Variants in TASP1 observed in about 807,000 individuals in gnomAD.
TASP1 encodes the protein taspase 1, also known as threonine aspartase 1.
A neutral mutation model predicts 56.6 loss-of-function variants in TASP1; 16 were observed. The ratio of observed to expected loss-of-function variants is 0.28; its 90% CI spans 0.19 to 0.43. The LOEUF is 0.43. Ranked by LOEUF, TASP1 falls within the 20% of genes least tolerant of loss-of-function variation. The probability of loss-of-function intolerance (pLI) is 1.00; values close to 1 mark genes in which losing one functional copy is unlikely to be tolerated. For missense variants in TASP1, 393 were observed against 511.6 expected (o/e 0.77, Z 2.24); for synonymous variants, 179 against 184.2 (o/e 0.97, Z 0.23).
the TASP1 span, among the ~76,000 whole-genome samples, chr20:13,335,632 T>C: frequency 6.6e-6 from 1 of 152,004 alleles, no homozygotes; most frequent in Non-Finnish European, 1.5e-5. Context: ...ATAGTATTCA[T>C]GTTCTCAGAT....
rs915729748 is a variant in TASP1 at position 13,581,057 on chromosome 20, T to A, written c.404-76A>T. On this transcript the variant is annotated intron_variant, in intron 5 of 13. Coordinates refer to ENST00000337743, the MANE Select transcript of TASP1 (RefSeq NM_017714.3). ...AGTTTCCCACTCAGTTTTGCAGTTG[T>A]TTCAATAAAACAACTTGAATATATC... is the stretch of plus-strand genomic sequence containing the variant. The A allele has an allele frequency of 4.3e-6, 6 of 1,399,760 alleles. No homozygotes were observed. In the East Asian group the frequency reaches 1.4e-4, roughly 32 times the overall value. The allele number at this position is 1,399,760 out of a possible 1,614,324, so 86.7% of individuals were successfully genotyped here.
the TASP1 span, among the ~76,000 whole-genome samples, chr20:13,106,600 G>A: frequency 6.6e-5 from 10 of 152,154 alleles, no homozygotes; most frequent in African/African-American, 2.4e-4. Context: ...GGCTATATCA[G>A]GAAGGGCCAT....
chr20:13,367,869 A>C, the TASP1 span, among the ~76,000 whole-genome samples: 1 of 152,072 alleles, frequency 6.6e-6, no homozygotes, highest in Non-Finnish European at 1.5e-5. Context: ...AAAATGAAAA[A>C]CTTAAAAACA....
the TASP1 span, among the ~76,000 whole-genome samples, chr20:13,330,527 A>G: frequency 6.6e-6 from 1 of 152,212 alleles, no homozygotes; most frequent in East Asian, 1.9e-4. Context: ...TACTGGCCCC[A>G]TAAAAAATTG....
intron 8 of TASP1, among the ~76,000 whole-genome samples, chr20:13,541,648 C>T (rs907557622): frequency 1.3e-5 from 2 of 152,050 alleles, no homozygotes; most frequent in Non-Finnish European, 2.9e-5. Flanking sequence ...AAGGCAGGAA[C>T]CTTTGCATGT....
the TASP1 span, among the ~76,000 whole-genome samples, chr20:13,179,296 G>A: frequency 3.9e-5 from 6 of 151,986 alleles, no homozygotes; most frequent in African/African-American, 1.5e-4. Flanking sequence ...TTGACATTGA[G>A]AGTATAAATT....
At chr20:13,551,911 GC>G (rs1367417289) in intron 8 of TASP1, among the ~76,000 whole-genome samples, 1 of 151,990 alleles carries the variant, frequency 6.6e-6, no homozygotes, top group Non-Finnish European at 1.5e-5. Context: ...ACAATGAGAG[GC>G]CATGGCAATT....
chr20:13,414,570 T>C (rs2042191913), intron 13 of TASP1, among the ~76,000 whole-genome samples: 1 of 152,188 alleles, frequency 6.6e-6, no homozygotes, highest in Non-Finnish European at 1.5e-5. Context: ...TAATTTCATG[T>C]ATTATAGCTG....
At chr20:13,575,646 G>C (rs1444835780) in intron 6 of TASP1, among the ~76,000 whole-genome samples, 1 of 152,060 alleles carries the variant, frequency 6.6e-6, no homozygotes, top group African/African-American at 2.4e-5. Flanking sequence ...TAAAAATGAG[G>C]TAATACATTA....
At chr20:13,173,349 C>T in the TASP1 span, among the ~76,000 whole-genome samples, 5 of 152,292 alleles carry the variant, frequency 3.3e-5, no homozygotes, top group African/African-American at 1.2e-4. Flanking sequence ...ATCCATTCTC[C>T]AGCTACAGAA....
chr20:13,359,349 C>G, the TASP1 span, among the ~76,000 whole-genome samples: 3 of 151,550 alleles, frequency 2.0e-5, no homozygotes, highest in African/African-American at 7.3e-5. Context: ...TTCAACTCAC[C>G]TGGCAGCCAC....
chr20:13,234,058 A>G, the TASP1 span, among the ~76,000 whole-genome samples: 1 of 152,022 alleles, frequency 6.6e-6, no homozygotes, highest in South Asian at 2.1e-4. Flanking sequence ...CTTTTAGTGT[A>G]CTCATCACCT....
chr20:13,135,183 A>G, the TASP1 span, among the ~76,000 whole-genome samples: 1 of 152,196 alleles, frequency 6.6e-6, no homozygotes, highest in Admixed American at 6.5e-5. Flanking sequence ...AATTATTTAA[A>G]TTGTCTCTTC....
At chr20:13,357,468 GAC>G in the TASP1 span, among the ~76,000 whole-genome samples, 1 of 152,156 alleles carries the variant, frequency 6.6e-6, no homozygotes, top group Non-Finnish European at 1.5e-5. Flanking sequence ...GAAGAGAAAA[GAC>G]AACAAATACA....
chr20:13,207,690 A>G, the TASP1 span, among the ~76,000 whole-genome samples: 3,501 of 152,288 alleles, frequency 0.023, 77 homozygotes, highest in Non-Finnish European at 0.034. Context: ...TCTGGCCCTC[A>G]AGGGATTGGC....
chr20:13,190,102 G>A, the TASP1 span, among the ~76,000 whole-genome samples: 1 of 152,096 alleles, frequency 6.6e-6, no homozygotes, highest in Non-Finnish European at 1.5e-5. Flanking sequence ...CTAAACATTA[G>A]GTGCACATGG....
the TASP1 span, among the ~76,000 whole-genome samples, chr20:13,207,468 C>T: frequency 6.6e-6 from 1 of 152,104 alleles, no homozygotes; most frequent in African/African-American, 2.4e-5. Flanking sequence ...AGATGTGAAA[C>T]TTATTATAAG....
the TASP1 span, among the ~76,000 whole-genome samples, chr20:13,311,262 TA>T: frequency 1.1e-4 from 14 of 122,820 alleles, no homozygotes; most frequent in African/African-American, 3.9e-4. Context: ...GATAGATAGA[TA>T]GATAGATAGA....
chr20:13,439,362 T>C (rs2043134663), intron 11 of TASP1, among the ~76,000 whole-genome samples: 1 of 152,176 alleles, frequency 6.6e-6, no homozygotes, highest in South Asian at 2.1e-4. Context: ...TGCAGGGACA[T>C]GGATAAAGCT....
Sources: allele counts gnomAD v4.1 joint callset (sites outside exome capture counted in the v4.1 genomes callset), GRCh38; gene constraint gnomAD v4.1.1; transcripts MANE v1.5; gene names NCBI Gene and HGNC (gene_info 2026-07-23, HGNC 2026-07-21).